HCN1: variants seen among roughly 807,000 people sequenced by gnomAD.
HCN1 encodes the protein hyperpolarization activated cyclic nucleotide gated potassium channel 1.
In HCN1, 13 loss-of-function variants were observed where a neutral mutation model predicts 78.9. The observed-to-expected ratio is 0.16, with a 90% CI of 0.11 to 0.26. The LOEUF (loss-of-function observed/expected upper bound fraction) is 0.26. Ranked by LOEUF, HCN1 falls within the 10% of genes least tolerant of loss-of-function variation. The pLI, the probability that HCN1 is intolerant of heterozygous loss-of-function variation, is 1.00. For missense variants in HCN1, 810 were observed against 1,154.3 expected (o/e 0.70, Z 4.32); for synonymous variants, 552 against 455.5 (o/e 1.21, Z -2.70).
chr5:45,497,424 TC>T (rs1312525742), intron 2 of HCN1, among the ~76,000 whole-genome samples: 1 of 152,194 alleles, frequency 6.6e-6, no homozygotes, highest in African/African-American at 2.4e-5. Context: ...AGTTAGCTCT[TC>T]TTGTTGAATT....
At chr5:45,620,262 A>C (rs975223151) in intron 2 of HCN1, among the ~76,000 whole-genome samples, 8 of 152,010 alleles carry the variant, frequency 5.3e-5, no homozygotes, top group African/African-American at 1.9e-4. Flanking sequence ...CAATAGGAAA[A>C]GGACATTAGT....
intron 3 of HCN1, among the ~76,000 whole-genome samples, chr5:45,439,254 G>T (rs1293831189): frequency 6.6e-6 from 1 of 151,964 alleles, no homozygotes; most frequent in Non-Finnish European, 1.5e-5. Context: ...CTCTTTCAGA[G>T]AAGTGATAAG....
intron 4 of HCN1, among the ~76,000 whole-genome samples, chr5:45,358,161 G>A (rs1747040175): frequency 6.6e-6 from 1 of 151,960 alleles, no homozygotes; most frequent in South Asian, 2.1e-4. Flanking sequence ...ACAGAAAAAT[G>A]GACTAAGAGA....
chr5:45,373,244 A>AATATATATTTTATATTATATATT (rs1170915059), intron 4 of HCN1, among the ~76,000 whole-genome samples: 15 of 120,202 alleles, frequency 1.2e-4, no homozygotes, highest in Admixed American at 5.0e-4. Flanking sequence ...CATTATATAT[A>AATATATATTTTATATTATATATT]ATATATATTT....
intron 4 of HCN1, among the ~76,000 whole-genome samples, chr5:45,376,086 T>C (rs1206620843): frequency 9.0e-6 from 1 of 111,522 alleles, no homozygotes; most frequent in Non-Finnish European, 1.6e-5. Context: ...ATATATATTA[T>C]ATTATATATA....
chr5:45,546,022 T>C (rs1743217571), intron 2 of HCN1, among the ~76,000 whole-genome samples: 1 of 152,038 alleles, frequency 6.6e-6, no homozygotes, highest in South Asian at 2.1e-4. Flanking sequence ...ATTTAACTCA[T>C]TACAATGTAA....
intron 5 of HCN1, among the ~76,000 whole-genome samples, chr5:45,325,364 C>A (rs1746215474): frequency 6.6e-6 from 1 of 151,620 alleles, no homozygotes; most frequent in South Asian, 2.1e-4. Context: ...TAACAAGTAT[C>A]TGGAAACCTA....
At chr5:45,461,651 G>A (rs1385860992) in intron 3 of HCN1, among the ~76,000 whole-genome samples, 195 bp downstream of exon 3, 1 of 152,036 alleles carries the variant, frequency 6.6e-6, no homozygotes, top group East Asian at 1.9e-4. Flanking sequence ...ACATACTCAG[G>A]AACATAGTCA....
intron 1 of HCN1, among the ~76,000 whole-genome samples, chr5:45,654,290 T>C (rs1745728788): frequency 6.6e-6 from 1 of 152,108 alleles, no homozygotes. Context: ...ATCTTTATAA[T>C]GACATGTAGA....
At chr5:45,341,520 T>C (rs1450295604) in intron 5 of HCN1, among the ~76,000 whole-genome samples, 1 of 152,180 alleles carries the variant, frequency 6.6e-6, no homozygotes, top group Non-Finnish European at 1.5e-5. Context: ...AAAACATGGC[T>C]TTGCAAGTAT....
chr5:45,423,372 A>G (rs1740267113), intron 3 of HCN1, among the ~76,000 whole-genome samples: 1 of 152,150 alleles, frequency 6.6e-6, no homozygotes. Flanking sequence ...TCAAGGTGCC[A>G]CACAATCAGG....
chr5:45,476,579 T>C (rs1235850285), intron 2 of HCN1, among the ~76,000 whole-genome samples: 2 of 152,198 alleles, frequency 1.3e-5, no homozygotes, highest in South Asian at 2.1e-4. Flanking sequence ...CCTGAAAACC[T>C]TCCCTGCATG....
rs1491350376 is a variant in HCN1 at position 45,373,985 on chromosome 5, A to ATATATATAATATATATTAT, written c.1231-20758_1231-20740dup. ...ATATATTACATACAGTAGATACATAATATATATAATATATATTATATACAT... is the reference window on the plus strand; with the variant it reads ...ATATATTACATACAGTAGATACATAATATATATAATATATATTATTATATATAATATATATTATATACAT... On this transcript the variant is annotated intron_variant, in intron 4 of 7. Transcript: ENST00000303230. 2.7e-5 allele frequency among the ~76,000 whole-genome samples: 3 copies of ATATATATAATATATATTAT among 112,608 alleles called. No homozygotes were observed. In the Admixed American group the frequency reaches 3.2e-4, roughly 12 times the overall value. 73.9% of individuals were successfully genotyped at this position (112,608 alleles called of 152,430 possible). A position where few individuals can be genotyped will look rare whatever the true frequency, so the allele number is the denominator to read the frequency against.
chr5:45,525,103 C>T (rs1326370117), intron 2 of HCN1, among the ~76,000 whole-genome samples: 1 of 152,090 alleles, frequency 6.6e-6, no homozygotes, highest in Admixed American at 6.6e-5. Context: ...TTTTCTGCCT[C>T]TATTGAGATA....
At chr5:45,473,943 A>T (rs149191278) in intron 2 of HCN1, among the ~76,000 whole-genome samples, 1 of 151,894 alleles carries the variant, frequency 6.6e-6, no homozygotes, top group Non-Finnish European at 1.5e-5. Context: ...CTCTAGGCAC[A>T]TTAATTTATA....
At chr5:45,266,979 G>T (rs1744871653) in intron 7 of HCN1, 110 bp downstream of exon 7, 1 of 935,304 alleles carries the variant, frequency 1.1e-6, no homozygotes, top group Non-Finnish European at 1.8e-6. Context: ...AAAGTGATGG[G>T]ATTACAGGCA....
At chr5:45,400,691 G>A (rs555032541) in intron 3 of HCN1, among the ~76,000 whole-genome samples, 1 of 152,222 alleles carries the variant, frequency 6.6e-6, no homozygotes, top group South Asian at 2.1e-4. Flanking sequence ...ACAGGCATGA[G>A]CCACTGTGCC....
intron 2 of HCN1, among the ~76,000 whole-genome samples, chr5:45,619,421 G>A (rs746788274): frequency 4.6e-5 from 7 of 152,028 alleles, no homozygotes; most frequent in South Asian, 2.1e-4. Context: ...ATAAGGAAGT[G>A]CTAAAAAATA....
chr5:45,620,180 G>A (rs969638170), intron 2 of HCN1, among the ~76,000 whole-genome samples: 1 of 151,894 alleles, frequency 6.6e-6, no homozygotes, highest in Admixed American at 6.6e-5. Flanking sequence ...AACAAGGAAA[G>A]ACTAAGAAAC....
Sources: gnomAD v4.1 joint callset for allele counts (sites outside exome capture counted in the v4.1 genomes callset) on GRCh38, gnomAD v4.1.1 for gene constraint, MANE v1.5 for transcripts, NCBI Gene and HGNC (gene_info 2026-07-23, HGNC 2026-07-21) for gene names.